Variants in OR3A2 observed in about 807,000 individuals in gnomAD.
OR3A2 encodes olfactory receptor 3A2.
For synonymous variants in OR3A2, 126 were observed against 159.3 expected (o/e 0.79, Z 1.57); for missense variants, 318 against 392.8 (o/e 0.81, Z 1.61).
chr17:3,328,780 T>A (rs2049200678), intron 3 of OR3A2, among the ~76,000 whole-genome samples: 1 of 144,512 alleles, frequency 6.9e-6, no homozygotes, highest in African/African-American at 2.7e-5. Flanking sequence ...GTTGTTGAAT[T>A]TTGTCAAAGG....
chr17:3,323,331 T>A (rs2049141610), intron 3 of OR3A2, among the ~76,000 whole-genome samples: 1 of 149,548 alleles, frequency 6.7e-6, no homozygotes, highest in South Asian at 2.1e-4. Context: ...TCTGTGTCTT[T>A]TAATTGGAGC....
chr17:3,375,856 ATTG>A (rs1959544908), intron 2 of OR3A2, among the ~76,000 whole-genome samples: 1 of 151,940 alleles, frequency 6.6e-6, no homozygotes, highest in African/African-American at 2.4e-5. Context: ...GACTGCAGTG[ATTG>A]TTATTTGTCT....
intron 3 of OR3A2, among the ~76,000 whole-genome samples, chr17:3,290,328 T>C (rs1412832675): frequency 3.3e-5 from 5 of 152,184 alleles, no homozygotes; most frequent in Non-Finnish European, 5.9e-5. Context: ...TCCTCCATTC[T>C]TTCTCATTTC....
intron 2 of OR3A2, among the ~76,000 whole-genome samples, chr17:3,369,872 C>T (rs2049597919): frequency 6.7e-6 from 1 of 150,230 alleles, no homozygotes; most frequent in Admixed American, 6.6e-5. Context: ...GGCATAATCT[C>T]AGCTCACTGC....
rs1308248465 is a variant in OR3A2, at chr17:3,326,825, T to C, written c.-85+9208A>G. 3.5e-5 allele frequency among the ~76,000 whole-genome samples: 5 copies of C among 141,710 alleles called. No homozygotes were observed. In the South Asian group the frequency reaches 7.2e-4, roughly 20 times the overall value. 93.0% of individuals were successfully genotyped at this position (141,710 alleles called of 152,430 possible). On this transcript the variant is annotated intron_variant, in intron 3 of 4. Transcript: ENST00000573491. ...AGTGTTTGGTTTTTTGTTCTTGCGATAGTTTACTGAGAATGATGATTTCCA... is the reference window on the plus strand; with the variant it reads ...AGTGTTTGGTTTTTTGTTCTTGCGACAGTTTACTGAGAATGATGATTTCCA...
intron 3 of OR3A2, among the ~76,000 whole-genome samples, chr17:3,330,815 C>G (rs996664578): frequency 4.6e-5 from 7 of 151,840 alleles, no homozygotes; most frequent in African/African-American, 1.7e-4. Context: ...TCTCGATGGT[C>G]TTTAAATTTT....
chr17:3,365,403 TG>T (rs1567569171), intron 2 of OR3A2, among the ~76,000 whole-genome samples: 2 of 152,346 alleles, frequency 1.3e-5, no homozygotes, highest in Admixed American at 6.5e-5. Context: ...AATGGTCTCA[TG>T]AGTGGATGTG....
intron 2 of OR3A2, among the ~76,000 whole-genome samples, chr17:3,373,550 CTCTT>C (rs960790800): frequency 7.9e-5 from 12 of 151,994 alleles, no homozygotes; most frequent in Admixed American, 1.3e-4. Flanking sequence ...TATAATGTCT[CTCTT>C]TGTCTTTTTT....
intron 2 of OR3A2, among the ~76,000 whole-genome samples, chr17:3,365,371 T>C (rs890874310): frequency 1.3e-5 from 2 of 152,118 alleles, no homozygotes; most frequent in Non-Finnish European, 2.9e-5. Context: ...TTTGAGGAAA[T>C]AAAGAAACTG....
intron 3 of OR3A2, chr17:3,310,203 A>T (rs1356123740): frequency 2.3e-6 from 1 of 431,034 alleles, no homozygotes; most frequent in African/African-American, 2.0e-5. Context: ...CCTGTCCTGG[A>T]CATTGCTATC....
chr17:3,385,752 T>C (rs765344798), intron 1 of OR3A2, among the ~76,000 whole-genome samples: 11 of 152,172 alleles, frequency 7.2e-5, no homozygotes, highest in Non-Finnish European at 1.5e-4. Flanking sequence ...AAAATTAAGA[T>C]TATTGGATGA....
At chr17:3,302,257 T>C (rs1466742213) in intron 3 of OR3A2, among the ~76,000 whole-genome samples, 1 of 152,136 alleles carries the variant, frequency 6.6e-6, no homozygotes, top group Non-Finnish European at 1.5e-5. Context: ...AAAGTTCATA[T>C]GGAACCAAAA....
intron 2 of OR3A2, among the ~76,000 whole-genome samples, chr17:3,366,617 C>T (rs1346791896): frequency 6.6e-6 from 1 of 152,194 alleles, no homozygotes; most frequent in African/African-American, 2.4e-5. Flanking sequence ...TACCTTACCC[C>T]TATTATGGAG....
chr17:3,333,636 A>G (rs368810), intron 3 of OR3A2, among the ~76,000 whole-genome samples: 102,155 of 152,038 alleles, frequency 0.67, 35,530 homozygotes, highest in East Asian at 1. Context: ...CAGACTGGCC[A>G]ACACTTAGGG....
intron 2 of OR3A2, among the ~76,000 whole-genome samples, chr17:3,347,712 C>G (rs1357435761): frequency 6.6e-6 from 1 of 152,154 alleles, no homozygotes; most frequent in African/African-American, 2.4e-5. Flanking sequence ...CATACGTGTG[C>G]ATGTGTCTTT....
chr17:3,346,333 A>G (rs1182787452), intron 2 of OR3A2, among the ~76,000 whole-genome samples: 2 of 152,180 alleles, frequency 1.3e-5, no homozygotes, highest in Admixed American at 1.3e-4. Flanking sequence ...TGTGCAAATT[A>G]CATCCTGAAA....
chr17:3,369,674 A>T (rs541306206), intron 2 of OR3A2, among the ~76,000 whole-genome samples: 2 of 152,024 alleles, frequency 1.3e-5, no homozygotes, highest in South Asian at 4.1e-4. Context: ...TTCATCTAGG[A>T]TATTGGTCTG....
chr17:3,379,275 C>T (rs1163454763), intron 2 of OR3A2, among the ~76,000 whole-genome samples: 4 of 152,138 alleles, frequency 2.6e-5, no homozygotes, highest in African/African-American at 9.7e-5. Flanking sequence ...GTTAGGTTGG[C>T]CCCTCCAGAT....
exon 2 of OR3A2, chr17:3,278,582 C>T: frequency 1.9e-6 from 3 of 1,607,544 alleles, no homozygotes; most frequent in Middle Eastern, 1.7e-4. Context: ...AGCAGTCCAT[C>T]CCAGCCAGAA....
Sources: gnomAD v4.1 joint callset for allele counts (sites outside exome capture counted in the v4.1 genomes callset) on GRCh38, gnomAD v4.1.1 for gene constraint, MANE v1.5 for transcripts, NCBI Gene and HGNC (gene_info 2026-07-23, HGNC 2026-07-21) for gene names.